Variants in SNX25 observed in about 807,000 individuals in gnomAD.
SNX25 encodes sorting nexin 25.
In SNX25, 62 loss-of-function variants were observed where a neutral mutation model predicts 113.7. The observed-to-expected ratio is 0.55, with a 90% CI of 0.44 to 0.67. The LOEUF is 0.67. SNX25 is among the 30% of genes least tolerant of loss of function. The probability of loss-of-function intolerance (pLI) is 0.00; values close to 1 mark genes in which losing one functional copy is unlikely to be tolerated. For missense variants in SNX25, 1,014 were observed against 1,161.0 expected (o/e 0.87, Z 1.84); for synonymous variants, 421 against 436.2 (o/e 0.97, Z 0.43).
In SNX25 at chr4:185,267,150, A is replaced by G; in HGVS notation, c.1086A>G (p.Gln362=). ...ACTCTGATGTGGAGTTCTTGAAGCA[A>G]CTAAGGTATTTGGTCTTCAATTATA... ...NSNSDVEFLK[Q]LRYQIVVEII... Residue 362 remains glutamine, a synonymous_variant, in exon 5 of 19, where the codon CAA becomes CAG. Coordinates refer to ENST00000652585, the MANE Select transcript of SNX25 (RefSeq NM_001378034.2). 1 of 1,613,428 alleles carries G rather than the reference A, an allele frequency of 6.2e-7. No individual in the cohort carries two copies. Among genetic ancestry groups the G allele is most frequent in the Non-Finnish European group, 8.5e-7 (1 of 1,179,704 alleles).
chr4:185,274,489 TAG>T (rs1238888270), intron 5 of SNX25, among the ~76,000 whole-genome samples: 2 of 152,172 alleles, frequency 1.3e-5, no homozygotes, highest in Non-Finnish European at 2.9e-5. Context: ...AGTTAAAAAA[TAG>T]AGGATTCTAT....
chr4:185,207,357 C>G (rs935696318), upstream of SNX25, among the ~76,000 whole-genome samples: 3 of 151,948 alleles, frequency 2.0e-5, no homozygotes, highest in East Asian at 5.8e-4. Context: ...GCTGGGACTA[C>G]AGGCGCACAC....
intron 12 of SNX25, among the ~76,000 whole-genome samples, chr4:185,343,136 C>G (rs559498254): frequency 1.1e-3 from 170 of 152,282 alleles, no homozygotes; most frequent in African/African-American, 3.9e-3. Flanking sequence ...GGTGATCCAC[C>G]CACCTCGGCC....
rs2095297033 is a variant in SNX25 at position 185,348,072 on chromosome 4, T to C, written c.2301+1422T>C. Among the ~76,000 whole-genome samples, 3 of 152,244 alleles carry C rather than the reference T, an allele frequency of 2.0e-5. No homozygotes were observed. The South Asian group carries it at 6.2e-4, about 32-fold the overall frequency. On this transcript the variant is annotated intron_variant, in intron 13 of 18. Coordinates refer to ENST00000652585, the MANE Select transcript of SNX25 (RefSeq NM_001378034.2). ...TCTTAATTTCCTTTAAACACTTTAT[T>C]ATTTTCTATCAGTCTGTTTTTAAAT...
intron 13 of SNX25, among the ~76,000 whole-genome samples, chr4:185,349,410 TTCCTTTGGATGTATA>T (rs2095304671): frequency 6.6e-6 from 1 of 152,344 alleles, no homozygotes; most frequent in East Asian, 1.9e-4. Context: ...CTGATTTCAT[TTCCTTTGGATGTATA>T]TCCAGTACTG....
At chr4:185,303,857 A>T (rs567318672) in intron 6 of SNX25, among the ~76,000 whole-genome samples, 7 of 152,224 alleles carry the variant, frequency 4.6e-5, no homozygotes, top group Admixed American at 1.3e-4. Context: ...ATGAAATCTC[A>T]GGTGTTTAGA....
intron 2 of SNX25, among the ~76,000 whole-genome samples, chr4:185,258,273 CTTGCTG>C (rs1746738397): frequency 6.6e-6 from 1 of 152,198 alleles, no homozygotes; most frequent in African/African-American, 2.4e-5. Context: ...GGCATTGGAA[CTTGCTG>C]TTGGGGTGAA....
the SNX25 span, chr4:185,375,495 T>TATATATATATATATATATAC: frequency 1.9e-5 from 1 of 52,600 alleles, no homozygotes; most frequent in Non-Finnish European, 3.0e-5. Context: ...AAAATATATA[T>TATATATATATATATATATAC]ATATATATAT....
intron 8 of SNX25, 107 bp from the exon 9 acceptor site, chr4:185,323,421 C>T: frequency 9.9e-7 from 1 of 1,013,268 alleles, no homozygotes; most frequent in Non-Finnish European, 1.5e-6. Flanking sequence ...TACCAGGGTG[C>T]ATCTTAAATG....
At chr4:185,252,716 G>A (rs1745848131) in intron 2 of SNX25, among the ~76,000 whole-genome samples, 2 of 152,122 alleles carry the variant, frequency 1.3e-5, no homozygotes, top group Non-Finnish European at 1.5e-5. Context: ...TGCTTGTGTT[G>A]TAGCTCAGTA....
chr4:185,247,387 T>A lies in SNX25; in HGVS notation c.514+9T>A. 2 of 1,503,774 alleles carry A rather than the reference T, an allele frequency of 1.3e-6. No homozygotes were observed. Among genetic ancestry groups the A allele is most frequent in the Non-Finnish European group, 9.3e-7 (1 of 1,080,456 alleles). The allele number at this position is 1,503,774 out of a possible 1,614,324, so 93.2% of individuals were successfully genotyped here. A position where few individuals can be genotyped will look rare whatever the true frequency, so the allele number is the denominator to read the frequency against. On this transcript the variant is annotated intron_variant, in intron 2 of 18. Coordinates refer to ENST00000652585, the MANE Select transcript of SNX25 (RefSeq NM_001378034.2). Reference sequence around the variant, plus strand: ...TAAAGCTCTGAAAGAAGGTAAGGATTAAATGAGAGTATATAATTACCATGT... The same window carrying A: ...TAAAGCTCTGAAAGAAGGTAAGGATAAAATGAGAGTATATAATTACCATGT...
At chr4:185,218,082 T>C (rs975476661) in intron 1 of SNX25, among the ~76,000 whole-genome samples, 2 of 151,942 alleles carry the variant, frequency 1.3e-5, no homozygotes, top group Non-Finnish European at 2.9e-5. Context: ...AGTCTAGGAG[T>C]GTGTGCTTCT....
At chr4:185,266,033 A>C (rs1748030732) in intron 4 of SNX25, among the ~76,000 whole-genome samples, 1 of 152,220 alleles carries the variant, frequency 6.6e-6, no homozygotes, top group African/African-American at 2.4e-5. Flanking sequence ...AGTCAGGATA[A>C]GAGAAACTTT....
At chr4:185,269,273 A>C (rs978563467) in intron 5 of SNX25, among the ~76,000 whole-genome samples, 12 of 151,970 alleles carry the variant, frequency 7.9e-5, no homozygotes, top group African/African-American at 2.9e-4. Flanking sequence ...ACACACACAC[A>C]CCCCAAACTC....
At chr4:185,204,279 T>G (rs1737087655) in exon 1 of SNX25, 1 of 152,198 alleles carries the variant, frequency 6.6e-6, no homozygotes, top group Non-Finnish European at 1.5e-5. Flanking sequence ...GCCCCGTTGT[T>G]CTCGTGCGTT....
intron 5 of SNX25, among the ~76,000 whole-genome samples, chr4:185,284,380 C>T (rs770010809): frequency 2.6e-5 from 4 of 152,038 alleles, no homozygotes; most frequent in Non-Finnish European, 4.4e-5. Context: ...GAGCAGAAGT[C>T]ATTCAGGATT....
chr4:185,280,080 C>T (rs1453104707), intron 5 of SNX25, among the ~76,000 whole-genome samples: 1 of 152,148 alleles, frequency 6.6e-6, no homozygotes, highest in African/African-American at 2.4e-5. Flanking sequence ...CAGGAGCATG[C>T]CACCACGCCA....
intron 3 of SNX25, among the ~76,000 whole-genome samples, chr4:185,263,970 C>T (rs1372920170): frequency 1.3e-5 from 2 of 152,180 alleles, no homozygotes; most frequent in African/African-American, 2.4e-5. Flanking sequence ...AATTAGATAA[C>T]GTCGAGTTTA....
rs1417253503 is a variant in SNX25, at chr4:185,362,784, G to C, written c.2934+73G>C. The C allele has an allele frequency of 6.3e-6, 7 of 1,109,026 alleles. No individual in the cohort carries two copies. In the East Asian group the frequency reaches 1.5e-4, roughly 24 times the overall value. The allele number at this position is 1,109,026 out of a possible 1,614,324, so 68.7% of individuals were successfully genotyped here. A position where few individuals can be genotyped will look rare whatever the true frequency, so the allele number is the denominator to read the frequency against. On this transcript the variant is annotated intron_variant, in intron 18 of 18. Coordinates refer to ENST00000652585, the MANE Select transcript of SNX25 (RefSeq NM_001378034.2). ...TTCTTCGTTTGGTCAGAAAAAACAT[G>C]TGCCCCAGTGGCTGCAGCACTCTCA... is the stretch of plus-strand genomic sequence containing the variant.
Sources: gnomAD v4.1 joint callset for allele counts (sites outside exome capture counted in the v4.1 genomes callset) on GRCh38, gnomAD v4.1.1 for gene constraint, MANE v1.5 for transcripts, NCBI Gene and HGNC (gene_info 2026-07-23, HGNC 2026-07-21) for gene names.